Variants in NR6A1 observed in about 807,000 individuals in gnomAD.
NR6A1 encodes the protein nuclear receptor subfamily 6 group A member 1, also known as retinoic acid receptor-related testis-associated receptor.
NR6A1 carries 7 observed loss-of-function variants against 59.1 expected under a neutral mutation model. That is an observed-to-expected ratio of 0.12 (90% CI 0.07 to 0.22). NR6A1 has a LOEUF of 0.22. NR6A1 is among the 10% of genes least tolerant of loss of function. The pLI is 1.00. For missense variants in NR6A1, 468 were observed against 611.6 expected (o/e 0.77, Z 2.48); for synonymous variants, 243 against 236.1 (o/e 1.03, Z -0.27).
intron 2 of NR6A1, chr9:124,599,407 G>C: frequency 2.8e-6 from 1 of 363,152 alleles, no homozygotes; most frequent in Non-Finnish European, 5.1e-6. Context: ...CGACAAAAGC[G>C]ATACATGGTC....
chr9:124,563,839 G>C (rs753327166), intron 2 of NR6A1, among the ~76,000 whole-genome samples: 2 of 152,140 alleles, frequency 1.3e-5, no homozygotes, highest in African/African-American at 4.8e-5. Flanking sequence ...TCCCAGTCAG[G>C]CTGGGGTGGG....
intron 2 of NR6A1, among the ~76,000 whole-genome samples, chr9:124,659,994 A>C (rs1837379517): frequency 6.6e-6 from 1 of 152,248 alleles, no homozygotes; most frequent in African/African-American, 2.4e-5. Context: ...CAAAGTAATA[A>C]GTAGAATGCA....
intron 2 of NR6A1, among the ~76,000 whole-genome samples, chr9:124,573,210 C>T (rs1834493966): frequency 6.6e-6 from 1 of 152,158 alleles, no homozygotes. Context: ...GTACGAAGCC[C>T]TCAGCTCTTT....
At chr9:124,654,620 T>C (rs921424181) in intron 2 of NR6A1, among the ~76,000 whole-genome samples, 1 of 152,090 alleles carries the variant, frequency 6.6e-6, no homozygotes, top group East Asian at 1.9e-4. Flanking sequence ...CTTGCATACT[T>C]TGGTTCCTCA....
chr9:124,601,607 AAAAG>A (rs1156260244), intron 2 of NR6A1, among the ~76,000 whole-genome samples: 6 of 143,002 alleles, frequency 4.2e-5, no homozygotes, highest in Non-Finnish European at 9.6e-5. Flanking sequence ...AAAGAAAGAA[AAAAG>A]AAAAGAAAAG....
chr9:124,536,141 C>G lies in NR6A1; in HGVS notation c.825-9G>C. ...CCTGTGTCACAGCGTATCTGAGGGGCAGGGACAGGGGAAAGTCACTTCCAT... is the reference window on the plus strand; with the variant it reads ...CCTGTGTCACAGCGTATCTGAGGGGGAGGGACAGGGGAAAGTCACTTCCAT... On this transcript the variant is annotated splice_polypyrimidine_tract_variant and intron_variant, in intron 6 of 9. Coordinates refer to ENST00000487099, the MANE Select transcript of NR6A1 (RefSeq NM_033334.4). 6.2e-7 allele frequency: 1 copy of G among 1,608,770 alleles called. No homozygotes were observed. Among genetic ancestry groups the G allele is most frequent in the East Asian group, 2.2e-5 (1 of 44,782 alleles).
intron 2 of NR6A1, among the ~76,000 whole-genome samples, chr9:124,697,830 G>A (rs552675440): frequency 6.6e-6 from 1 of 152,300 alleles, no homozygotes; most frequent in Non-Finnish European, 1.5e-5. Context: ...ATATGAACTT[G>A]AGCAAATTAC....
intron 1 of NR6A1, among the ~76,000 whole-genome samples, chr9:124,763,277 T>C (rs912845022): frequency 2.0e-5 from 3 of 152,212 alleles, no homozygotes; most frequent in African/African-American, 7.2e-5. Context: ...TACAAGTGCA[T>C]GGAAGTGAAG....
rs1832743036 is a variant in NR6A1 at position 124,518,946 on chromosome 9, A to C, written c.*3759T>G. ...CAGCTTTCTGTCCTGCTGAGAGGCC[A>C]GGGTTCCCTTAATTCGACCAACCTT... On this transcript the variant is annotated 3_prime_UTR_variant, in exon 10 of 10. Coordinates refer to ENST00000487099, the MANE Select transcript of NR6A1 (RefSeq NM_033334.4). 1 of 152,244 alleles carries C rather than the reference A, an allele frequency of 6.6e-6. No homozygotes were observed. The highest frequency in any genetic ancestry group is 1.5e-5 in the Non-Finnish European group (1 of 68,048). The allele number at this position is 152,244 out of a possible 1,614,324, so 9.4% of individuals were successfully genotyped here.
intron 2 of NR6A1, among the ~76,000 whole-genome samples, chr9:124,674,995 A>C (rs1837910842): frequency 6.6e-6 from 1 of 152,226 alleles, no homozygotes; most frequent in Non-Finnish European, 1.5e-5. Flanking sequence ...ATAATTTTTA[A>C]GTGAAGAAAA....
intron 2 of NR6A1, among the ~76,000 whole-genome samples, chr9:124,593,448 G>A (rs1237437058): frequency 6.6e-6 from 1 of 152,098 alleles, no homozygotes; most frequent in African/African-American, 2.4e-5. Context: ...GGGGGAGAGA[G>A]AGAAGAAAAA....
At chr9:124,594,577 T>C (rs1835218354) in intron 2 of NR6A1, among the ~76,000 whole-genome samples, 1 of 152,206 alleles carries the variant, frequency 6.6e-6, no homozygotes, top group Admixed American at 6.5e-5. Context: ...TAACAAAGAA[T>C]TTCTATGCAT....
At chr9:124,618,302 T>C (rs1018380137) in intron 2 of NR6A1, among the ~76,000 whole-genome samples, 2 of 151,948 alleles carry the variant, frequency 1.3e-5, no homozygotes, top group African/African-American at 4.8e-5. Flanking sequence ...GACAACATAA[T>C]GAAACCCCAT....
At chr9:124,529,421 C>T (rs1416500354) in intron 7 of NR6A1, among the ~76,000 whole-genome samples, 2 of 152,134 alleles carry the variant, frequency 1.3e-5, no homozygotes, top group Non-Finnish European at 2.9e-5. Context: ...TTACACTTTA[C>T]CTTCCTGATA....
At chr9:124,656,684 T>G (rs1837270079) in intron 2 of NR6A1, among the ~76,000 whole-genome samples, 1 of 151,962 alleles carries the variant, frequency 6.6e-6, no homozygotes, top group Non-Finnish European at 1.5e-5. Context: ...ATACAAAAAC[T>G]AGCCAGGCGT....
chr9:124,753,152 G>C (rs1840552816), intron 1 of NR6A1, among the ~76,000 whole-genome samples: 1 of 152,140 alleles, frequency 6.6e-6, no homozygotes, highest in Admixed American at 6.6e-5. Context: ...ACATTCCAAA[G>C]CTGTTAGTAC....
chr9:124,596,730 C>G (rs12348538), intron 2 of NR6A1, among the ~76,000 whole-genome samples: 2,708 of 152,240 alleles, frequency 0.018, 82 homozygotes, highest in African/African-American at 0.061. Context: ...TGTATAACAC[C>G]GAGTGTGCAC....
chr9:124,601,622 A>AAGAAAAAAGAAAAGAAAAGG lies in NR6A1; in HGVS notation c.143-47053_143-47052insCCTTTTCTTTTCTTTTTTCT, dbSNP rs1835455544. Reference sequence around the variant, plus strand: ...AAAGAAAGAAAAAAGAAAAGAAAAGAAAAAAAAAGACTATATATAGACTAT... The same window carrying AAGAAAAAAGAAAAGAAAAGG: ...AAAGAAAGAAAAAAGAAAAGAAAAGAAGAAAAAAGAAAAGAAAAGGAAAAAAAAGACTATATATAGACTAT... On this transcript the variant is annotated intron_variant, in intron 2 of 9. Coordinates refer to ENST00000487099, the MANE Select transcript of NR6A1 (RefSeq NM_033334.4). Among the ~76,000 whole-genome samples, 9 of 148,686 alleles carry AAGAAAAAAGAAAAGAAAAGG rather than the reference A, an allele frequency of 6.1e-5. No individual in the cohort carries two copies. The South Asian group carries it at 1.9e-3, about 32-fold the overall frequency.
intron 2 of NR6A1, among the ~76,000 whole-genome samples, chr9:124,693,257 T>C (rs537183297): frequency 6.8e-4 from 103 of 152,296 alleles, no homozygotes; most frequent in Non-Finnish European, 1.3e-3. Flanking sequence ...TCATGGAGTT[T>C]TGAGACTCAA....
Sources: allele counts gnomAD v4.1 joint callset (sites outside exome capture counted in the v4.1 genomes callset), GRCh38; gene constraint gnomAD v4.1.1; transcripts MANE v1.5; gene names NCBI Gene and HGNC (gene_info 2026-07-23, HGNC 2026-07-21).